Variants in NOL10 observed in about 807,000 individuals in gnomAD.
NOL10 encodes H_NH0074G24.1.
A neutral mutation model predicts 103.5 loss-of-function variants in NOL10; 58 were observed. The observed-to-expected ratio is 0.56, with a 90% CI of 0.45 to 0.70. The LOEUF is 0.70. Ranked by LOEUF, NOL10 falls within the 30% of genes least tolerant of loss-of-function variation. The pLI is 0.00. For synonymous variants in NOL10, 287 were observed against 282.5 expected, an observed-to-expected ratio of 1.02 and a Z score of -0.16; for missense variants, 763 against 807.3, an observed-to-expected ratio of 0.95 and a Z score of 0.67.
At chr2:10,669,511 T>TACACACACACAC (rs1344903922) in intron 6 of NOL10, among the ~76,000 whole-genome samples, 1 of 95,126 alleles carries the variant, frequency 1.1e-5, no homozygotes, top group Admixed American at 1.1e-4. Flanking sequence ...CACACACATA[T>TACACACACACAC]ATACACACAC....
chr2:10,611,777 G>A (rs1237627619), intron 13 of NOL10, among the ~76,000 whole-genome samples: 9 of 152,262 alleles, frequency 5.9e-5, no homozygotes, highest in Admixed American at 1.3e-4. Context: ...TTAGCCAGGC[G>A]TGGTGGCGCA....
chr2:10,599,090 G>GA (rs1232233617), intron 17 of NOL10, among the ~76,000 whole-genome samples: 5 of 151,994 alleles, frequency 3.3e-5, no homozygotes. Context: ...GAAATGGGGG[G>GA]AAGGGAAGGG....
chr2:10,595,610 T>C (rs1352103502), intron 17 of NOL10, among the ~76,000 whole-genome samples: 3 of 136,160 alleles, frequency 2.2e-5, no homozygotes, highest in Admixed American at 1.4e-4. Context: ...TTTTGTTTGT[T>C]TGTTTGTTTT....
chr2:10,664,377 G>A lies in NOL10; in HGVS notation c.592-1333C>T, dbSNP rs143675800. On this transcript the variant is annotated intron_variant, in intron 8 of 20. Transcript: ENST00000381685. ...TGGGAGGCAGACATTGCGGTGAGCCGAGTCCAGCCTGGGAAACAAAGCAAG... is the reference window on the plus strand; with the variant it reads ...TGGGAGGCAGACATTGCGGTGAGCCAAGTCCAGCCTGGGAAACAAAGCAAG... 1.1e-3 allele frequency among the ~76,000 whole-genome samples: 171 copies of A among 151,986 alleles called. No homozygotes were observed. In the East Asian group the frequency reaches 0.014, roughly 12 times the overall value.
At chr2:10,641,588 C>A (rs1678702013) in intron 13 of NOL10, among the ~76,000 whole-genome samples, 2 of 152,122 alleles carry the variant, frequency 1.3e-5, no homozygotes, top group Non-Finnish European at 2.9e-5. Context: ...GCAGAAAATA[C>A]CAAAGGGAAA....
intron 14 of NOL10, among the ~76,000 whole-genome samples, chr2:10,604,509 T>C (rs910815681): frequency 2.1e-4 from 32 of 152,220 alleles, no homozygotes; most frequent in Non-Finnish European, 1.0e-4. Context: ...GGGTTTGCAC[T>C]TTCACAATGG....
At chr2:10,590,862 G>A (rs1675356506) in intron 17 of NOL10, 1 of 152,224 alleles carries the variant, frequency 6.6e-6, no homozygotes, top group African/African-American at 2.4e-5. Flanking sequence ...TTGGAAGCCA[G>A]ATGAAACGGC....
At chr2:10,631,614 T>C (rs1245265484) in intron 13 of NOL10, among the ~76,000 whole-genome samples, 1 of 152,144 alleles carries the variant, frequency 6.6e-6, no homozygotes, top group Non-Finnish European at 1.5e-5. Flanking sequence ...ATACCACCAT[T>C]CTCAGATGTG....
chr2:10,652,415 A>G (rs1470632105), intron 12 of NOL10, among the ~76,000 whole-genome samples: 1 of 149,364 alleles, frequency 6.7e-6, no homozygotes, highest in African/African-American at 2.5e-5. Context: ...AAGAAAAAAG[A>G]AAAAAAAAAG....
chr2:10,642,963 A>T (rs13407040), intron 13 of NOL10, among the ~76,000 whole-genome samples: 44,172 of 152,092 alleles, frequency 0.29, 7,048 homozygotes, highest in Non-Finnish European at 0.37. Context: ...AGCACCCTGG[A>T]TGCTGTAATA....
intron 13 of NOL10, among the ~76,000 whole-genome samples, chr2:10,622,496 A>AAAAAAAAAG (rs144600201): frequency 1.3e-5 from 2 of 148,880 alleles, no homozygotes; most frequent in African/African-American, 2.5e-5. Context: ...TTCAAAAAAA[A>AAAAAAAAAG]AGAGAGAAGA....
chr2:10,628,153 C>A (rs1347824858), intron 13 of NOL10, among the ~76,000 whole-genome samples: 3 of 152,240 alleles, frequency 2.0e-5, no homozygotes, highest in Non-Finnish European at 4.4e-5. Flanking sequence ...CTTGCATGAT[C>A]TTACTCTTTT....
chr2:10,617,292 TAG>T (rs1457277231), intron 13 of NOL10, among the ~76,000 whole-genome samples: 1 of 152,134 alleles, frequency 6.6e-6, no homozygotes, highest in African/African-American at 2.4e-5. Context: ...GTGGCTTGAA[TAG>T]AGAGAGCAAT....
intron 12 of NOL10, among the ~76,000 whole-genome samples, chr2:10,651,474 TTTTCA>T (rs139144145): frequency 0.21 from 31,407 of 152,132 alleles, 4,178 homozygotes; most frequent in Non-Finnish European, 0.3. Flanking sequence ...GTCTAAAATA[TTTTCA>T]TTTCAACATG....
chr2:10,657,659 C>T lies in NOL10; in HGVS notation c.906+83G>A, dbSNP rs1364480208. ...TCAGTATCTCTTTCCCAATAACCCA[C>T]ATAAAAAAGGAAAGGGAGAGGAAAG... On this transcript the variant is annotated intron_variant, in intron 11 of 20. Coordinates refer to ENST00000381685, the MANE Select transcript of NOL10 (RefSeq NM_024894.4). 1.8e-5 allele frequency: 22 copies of T among 1,218,748 alleles called. No homozygotes were observed. The South Asian group carries it at 3.0e-4, about 17-fold the overall frequency. 75.5% of individuals were successfully genotyped at this position (1,218,748 alleles called of 1,614,324 possible). A position where few individuals can be genotyped will look rare whatever the true frequency, so the allele number is the denominator to read the frequency against.
At position 10,620,808 on chromosome 2, in the gene NOL10, G is replaced by A. The variant is rs1196924528; in HGVS notation, c.1027-13497C>T. On this transcript the variant is annotated intron_variant, in intron 13 of 20. Coordinates refer to ENST00000381685, the MANE Select transcript of NOL10 (RefSeq NM_024894.4). ...ACTGTTGATTTTTGTTGTTGTTGTTGTTTTTGAGATAGAGTTTTGCTCTAT... is the reference window on the plus strand; with the variant it reads ...ACTGTTGATTTTTGTTGTTGTTGTTATTTTTGAGATAGAGTTTTGCTCTAT... Among the ~76,000 whole-genome samples, 3 of 152,146 alleles carry A rather than the reference G, an allele frequency of 2.0e-5. No homozygotes were observed. The East Asian group carries it at 5.8e-4, about 29-fold the overall frequency.
At chr2:10,683,988 G>A (rs774658895) in intron 2 of NOL10, among the ~76,000 whole-genome samples, 4 of 152,036 alleles carry the variant, frequency 2.6e-5, no homozygotes, top group Non-Finnish European at 4.4e-5. Flanking sequence ...TCTTAAGAAG[G>A]AGAAAGGCGG....
intron 20 of NOL10, among the ~76,000 whole-genome samples, chr2:10,575,550 C>T (rs573468201): frequency 2.9e-4 from 44 of 152,290 alleles, no homozygotes; most frequent in Non-Finnish European, 5.4e-4. Flanking sequence ...CCATTTAAAG[C>T]AATTCTTAAT....
chr2:10,655,820 C>T (rs147925545), intron 11 of NOL10, among the ~76,000 whole-genome samples: 7 of 152,248 alleles, frequency 4.6e-5, no homozygotes, highest in African/African-American at 1.4e-4. Context: ...GTGCCCACGG[C>T]GAAAAAGAGC....
Sources: gnomAD v4.1 joint callset for allele counts (sites outside exome capture counted in the v4.1 genomes callset) on GRCh38, gnomAD v4.1.1 for gene constraint, MANE v1.5 for transcripts, NCBI Gene and HGNC (gene_info 2026-07-23, HGNC 2026-07-21) for gene names.